The following YIPF4 variants were observed in gnomAD, a reference collection of about 807,000 sequenced individuals.
YIPF4 encodes Yip1 domain family member 4, also known as protein YIPF4.
Under a neutral mutation model 29.4 loss-of-function variants are expected in YIPF4, and 18 were observed. The ratio of observed to expected loss-of-function variants is 0.61; its 90% confidence interval spans 0.42 to 0.91. The LOEUF is 0.91. Ranked by LOEUF, YIPF4 falls within the 40% of genes least tolerant of loss-of-function variation. The pLI, the probability that YIPF4 is intolerant of heterozygous loss-of-function variation, is 0.00. For missense variants in YIPF4, 279 were observed against 282.7 expected, an observed-to-expected ratio of 0.99 and a Z score of 0.09; for synonymous variants, 115 against 104.7, an observed-to-expected ratio of 1.10 and a Z score of -0.60.
chr2:32,305,225 G>A (rs1209644026), intron 5 of YIPF4, among the ~76,000 whole-genome samples: 2 of 152,120 alleles, frequency 1.3e-5, no homozygotes, highest in East Asian at 3.8e-4. Flanking sequence ...GAACTAGAGA[G>A]TCCCCCAAGT....
intron 3 of YIPF4, among the ~76,000 whole-genome samples, chr2:32,296,796 A>T (rs774129733): frequency 5.3e-5 from 8 of 152,238 alleles, no homozygotes; most frequent in South Asian, 2.1e-4. Context: ...CTATGCAAAT[A>T]TCCTGTTTCT....
chr2:32,305,781 G>T lies in YIPF4; in HGVS notation c.*155G>T, dbSNP rs539331562. 3.3e-5 allele frequency: 41 copies of T among 1,239,564 alleles called. No individual in the cohort carries two copies. Among genetic ancestry groups the T allele is most frequent in the Non-Finnish European group, 4.0e-5 (40 of 992,384 alleles). 76.8% of individuals were successfully genotyped at this position (1,239,564 alleles called of 1,614,324 possible). On this transcript the variant is annotated 3_prime_UTR_variant, in exon 6 of 6. Coordinates refer to ENST00000238831, the MANE Select transcript of YIPF4 (RefSeq NM_032312.4). Reference sequence around the variant, plus strand: ...GCGCTTTTTAAAACAATTTTTTTTTGTATTTAATTAAGCAATTGCAGTTAT... The same window carrying T: ...GCGCTTTTTAAAACAATTTTTTTTTTTATTTAATTAAGCAATTGCAGTTAT...
Position 32,292,250 on chromosome 2 carries a change from G to T in YIPF4, c.307G>T (p.Gly103Cys), listed in dbSNP as rs754649720. ...TGTTTTGATGCCAATGCCATCACTTGGTTTTAATAGACAAGTGGTGAGAGA... is the reference window on the plus strand; with the variant it reads ...TGTTTTGATGCCAATGCCATCACTTTGTTTTAATAGACAAGTGGTGAGAGA... Reference protein sequence around the residue: ...RCVLMPMPSLGFNRQVVRDNP... With the variant: ...RCVLMPMPSLCFNRQVVRDNP... The change falls in exon 3 of 6, where the codon GGT becomes TGT. Residue 103 changes from glycine (G) to cysteine (C), a missense_variant. Gly to Cys is a radical substitution (Grantham distance 159). Transcript: ENST00000238831. 1 of 1,604,292 alleles carries T rather than the reference G, an allele frequency of 6.2e-7. No individual in the cohort carries two copies. The highest frequency in any genetic ancestry group is 1.1e-5 in the South Asian group (1 of 89,026).
At position 32,292,191 on chromosome 2, in the gene YIPF4, T is replaced by G. The variant is rs2030947457; in HGVS notation, c.248T>G (p.Ile83Ser). ...TAAAATTATAGGGAAGAATTGGACA[T>G]TGATCTAAAGGATATTTACTACAAA... Reference protein sequence around the residue: ...DNKPLLEELDIDLKDIYYKIR... With the variant: ...DNKPLLEELDSDLKDIYYKIR... The change falls in exon 3 of 6, where the codon ATT becomes AGT. Residue 83 changes from isoleucine to serine, a missense_variant. By Grantham distance (142) the Ile-to-Ser change is moderately radical. Coordinates refer to ENST00000238831, the MANE Select transcript of YIPF4 (RefSeq NM_032312.4). 2 of 1,521,204 alleles carry G rather than the reference T, an allele frequency of 1.3e-6. No individual in the cohort carries two copies. Among genetic ancestry groups the G allele is most frequent in the Non-Finnish European group, 1.8e-6 (2 of 1,132,058 alleles). The allele number at this position is 1,521,204 out of a possible 1,614,324, so 94.2% of individuals were successfully genotyped here.
intron 2 of YIPF4, 26 bp downstream of exon 2, chr2:32,290,662 T>G: frequency 7.3e-7 from 1 of 1,371,750 alleles, no homozygotes; most frequent in Non-Finnish European, 9.5e-7. Flanking sequence ...AATATATATT[T>G]TTTGTTTTTT....
intron 1 of YIPF4, among the ~76,000 whole-genome samples, chr2:32,287,158 T>G (rs952288869): frequency 4.6e-5 from 7 of 152,142 alleles, no homozygotes; most frequent in African/African-American, 1.7e-4. Flanking sequence ...GGTAGTTGAA[T>G]CGCTTGAACC....
rs1364095290 is a variant in YIPF4 at position 32,301,389 on chromosome 2, A to G, written c.491A>G (p.Tyr164Cys). Residue 164 changes from tyrosine (Y) to cysteine (C), a missense_variant, in exon 5 of 6, where the codon TAT (tyrosine) becomes TGT (cysteine). Transcript: ENST00000238831. ...AATTTTCAAAATTCACAGGTTGCAT[A>G]TGGCCAAGTCCTTGGAGTTATAGGA... ...LARVLGGEVA[Y>C]GQVLGVIGYS... 2 of 1,599,726 alleles carry G rather than the reference A, an allele frequency of 1.3e-6. No individual in the cohort carries two copies. The highest frequency in any genetic ancestry group is 2.2e-5 in the East Asian group (1 of 44,768).
intron 1 of YIPF4, 62 bp downstream of exon 1, chr2:32,278,296 T>A: frequency 6.8e-7 from 1 of 1,474,384 alleles, no homozygotes; most frequent in Non-Finnish European, 9.1e-7. Flanking sequence ...CGCCGTAGGG[T>A]CTTTCTGGTG....
intron 5 of YIPF4, among the ~76,000 whole-genome samples, chr2:32,304,624 G>A (rs1223575155): frequency 6.6e-6 from 1 of 152,134 alleles, no homozygotes; most frequent in Non-Finnish European, 1.5e-5. Flanking sequence ...CAGGAATGCT[G>A]CTAACCATCC....
chr2:32,306,061 ATATAT>A lies in YIPF4; in HGVS notation c.*436_*440del. On this transcript the variant is annotated 3_prime_UTR_variant, in exon 6 of 6. Coordinates refer to ENST00000238831, the MANE Select transcript of YIPF4 (RefSeq NM_032312.4). Reference sequence around the variant, plus strand: ...TGCAGATATATATTTATATTTATACATATATATTTATGAAATAATTCTTACTCACA... The same window carrying A: ...TGCAGATATATATTTATATTTATACAATTTATGAAATAATTCTTACTCACA... The A allele has an allele frequency of 3.7e-6, 3 of 818,704 alleles. No homozygotes were observed. The highest frequency in any genetic ancestry group is 4.4e-6 in the Non-Finnish European group (3 of 678,232). The allele number at this position is 818,704 out of a possible 1,614,324, so 50.7% of individuals were successfully genotyped here.
intron 5 of YIPF4, among the ~76,000 whole-genome samples, chr2:32,301,888 A>G (rs976820294): frequency 8.6e-5 from 13 of 151,986 alleles, no homozygotes; most frequent in Admixed American, 3.3e-4. Context: ...TGTTTTTAGT[A>G]GAGATGGGGT....
intron 1 of YIPF4, among the ~76,000 whole-genome samples, chr2:32,283,215 C>T (rs765034335): frequency 6.6e-6 from 1 of 152,106 alleles, no homozygotes; most frequent in African/African-American, 2.4e-5. Flanking sequence ...TTAACTGACC[C>T]CACACTTTTT....
In YIPF4 at chr2:32,306,635, C is replaced by A. The variant is rs538051210; in HGVS notation, c.*1009C>A. The A allele has an allele frequency of 4.6e-5, 45 of 974,898 alleles. 1 individual carries two copies. The South Asian group carries it at 2.1e-3, about 46-fold the overall frequency. The allele number at this position is 974,898 out of a possible 1,614,324, so 60.4% of individuals were successfully genotyped here. A position where few individuals can be genotyped will look rare whatever the true frequency, so the allele number is the denominator to read the frequency against. ...TATTTTAACAAGTATCAGGTACTCT[C>A]TAACAAATGTACAGTTTTTGCTAAG... is the stretch of plus-strand genomic sequence containing the variant. On this transcript the variant is annotated 3_prime_UTR_variant, in exon 6 of 6. Coordinates refer to ENST00000238831, the MANE Select transcript of YIPF4 (RefSeq NM_032312.4).
At chr2:32,293,632 A>C (rs1394667006) in intron 3 of YIPF4, among the ~76,000 whole-genome samples, 1 of 151,974 alleles carries the variant, frequency 6.6e-6, no homozygotes, top group Non-Finnish European at 1.5e-5. Flanking sequence ...GGTGGTGGCC[A>C]GGCAGAGGGG....
At chr2:32,301,586 T>G in intron 5 of YIPF4, 91 bp downstream of exon 5, 1 of 814,464 alleles carries the variant, frequency 1.2e-6, no homozygotes, top group Non-Finnish European at 1.9e-6. Context: ...GATATAAAAC[T>G]CTTTATCAAA....
chr2:32,309,817 T>C lies in YIPF4; in HGVS notation c.*4191T>C, dbSNP rs1401066040. 6.6e-6 allele frequency: 1 copy of C among 150,594 alleles called. No homozygotes were observed. The highest frequency in any genetic ancestry group is 1.5e-5 in the Non-Finnish European group (1 of 67,778). 9.3% of individuals were successfully genotyped at this position (150,594 alleles called of 1,614,324 possible). On this transcript the variant is annotated 3_prime_UTR_variant, in exon 6 of 6. Transcript: ENST00000238831. ...AATTCTCATGTCTCAGCCTCCCTAATAGCTAGGATTACCGGTGCCCGCCAC... is the reference window on the plus strand; with the variant it reads ...AATTCTCATGTCTCAGCCTCCCTAACAGCTAGGATTACCGGTGCCCGCCAC...
At position 32,306,200 on chromosome 2, in the gene YIPF4, A is replaced by G. The variant is rs139612096; in HGVS notation, c.*574A>G. On this transcript the variant is annotated 3_prime_UTR_variant, in exon 6 of 6. Transcript: ENST00000238831. ...TTTAAATTTGTTTTTAAAATTGTATATAGTTTTTAAAATCTCACACATGCT... is the reference window on the plus strand; with the variant it reads ...TTTAAATTTGTTTTTAAAATTGTATGTAGTTTTTAAAATCTCACACATGCT... 1.6e-5 allele frequency: 14 copies of G among 875,102 alleles called. No homozygotes were observed. In the Admixed American group the frequency reaches 1.9e-4, roughly 12 times the overall value. The allele number at this position is 875,102 out of a possible 1,614,324, so 54.2% of individuals were successfully genotyped here.
Position 32,278,197 on chromosome 2 carries a change from C to A in YIPF4, c.42C>A (p.Asn14Lys), listed in dbSNP as rs1304158161. The A allele has an allele frequency of 3.2e-6, 5 of 1,574,632 alleles. No homozygotes were observed. The change falls in exon 1 of 6, where the codon AAC becomes AAA. Residue 14 changes from asparagine to lysine, a missense_variant. Transcript: ENST00000238831. ...PGPPPAYAPT[N>K]GDFTFVSSAD... The stretch of plus-strand genomic sequence containing the variant: ...CGCCCCCGGCCTATGCCCCCACTAA[C>A]GGGGACTTCACCTTTGTCTCCTCAG...
At chr2:32,299,093 GTCTCAAACTCCCGATCTCAAGTGA>G (rs1453431823) in intron 4 of YIPF4, among the ~76,000 whole-genome samples, 3 of 151,974 alleles carry the variant, frequency 2.0e-5, no homozygotes, top group Admixed American at 2.0e-4. Flanking sequence ...GGTCAAGCTG[GTCTCAAACTCCCGATCTCAAGTGA>G]TCTGCCTCAG....
Sources: allele counts gnomAD v4.1 joint callset (sites outside exome capture counted in the v4.1 genomes callset), GRCh38; gene constraint gnomAD v4.1.1; transcripts MANE v1.5; gene names NCBI Gene and HGNC (gene_info 2026-07-23, HGNC 2026-07-21).